Variants in OSBP2 observed in about 807,000 individuals in gnomAD.
OSBP2 encodes oxysterol binding protein 2.
A neutral mutation model predicts 96.0 loss-of-function variants in OSBP2; 66 were observed. That is an observed-to-expected ratio of 0.69 (90% CI 0.56 to 0.84). The LOEUF is 0.84. OSBP2 is among the 40% of genes least tolerant of loss of function. The pLI, the probability that OSBP2 is intolerant of heterozygous loss-of-function variation, is 0.00. For missense variants in OSBP2, 1,038 were observed against 1,222.7 expected (o/e 0.85, Z 2.25); for synonymous variants, 525 against 520.9 (o/e 1.01, Z -0.11).
upstream of OSBP2, chr22:30,693,889 TG>T: frequency 1.7e-6 from 1 of 592,228 alleles, no homozygotes; most frequent in Non-Finnish European, 2.9e-6. Flanking sequence ...CGCTTGAACC[TG>T]GGAAGCGGAG....
intron 12 of OSBP2, among the ~76,000 whole-genome samples, chr22:30,905,060 C>T (rs944251708): frequency 2.0e-5 from 3 of 151,390 alleles, no homozygotes; most frequent in Non-Finnish European, 4.4e-5. Context: ...TTGCTTGAAC[C>T]CAGGAGGCGG....
intron 12 of OSBP2, among the ~76,000 whole-genome samples, chr22:30,903,766 G>A (rs1040298237): frequency 6.6e-6 from 1 of 152,248 alleles, no homozygotes; most frequent in Non-Finnish European, 1.5e-5. Flanking sequence ...CCTGTTGCCT[G>A]TGTGTTTGTG....
In OSBP2 at chr22:30,772,160, T is replaced by C. The variant is rs187865242; in HGVS notation, c.853+30791T>C. 1.6e-4 allele frequency among the ~76,000 whole-genome samples: 24 copies of C among 152,292 alleles called. No homozygotes were observed. The East Asian group carries it at 4.6e-3, about 29-fold the overall frequency. On this transcript the variant is annotated intron_variant, in intron 2 of 13. Coordinates refer to ENST00000332585, the MANE Select transcript of OSBP2 (RefSeq NM_030758.4). ...TTCACTGTGGCCTCAGGCACTGCCC[T>C]CTGGAGAGCCTGGATGGATCCTGCA...
chr22:30,750,880 T>C (rs1230092195), intron 2 of OSBP2, among the ~76,000 whole-genome samples: 2 of 152,084 alleles, frequency 1.3e-5, no homozygotes, highest in Admixed American at 6.5e-5. Flanking sequence ...GAGTAGTTAT[T>C]ATAGGCATGT....
chr22:30,709,557 C>A (rs1463420942), intron 1 of OSBP2, among the ~76,000 whole-genome samples: 2 of 151,654 alleles, frequency 1.3e-5, no homozygotes, highest in African/African-American at 2.4e-5. Context: ...CACTCTGTCT[C>A]CAGGCTGGAG....
intron 2 of OSBP2, among the ~76,000 whole-genome samples, chr22:30,746,291 G>A (rs577593483): frequency 6.6e-6 from 1 of 152,060 alleles, no homozygotes; most frequent in South Asian, 2.1e-4. Context: ...AGGCATGATA[G>A]CACATGCCTG....
chr22:30,904,632 A>T (rs2040289056), intron 12 of OSBP2, among the ~76,000 whole-genome samples: 3 of 152,076 alleles, frequency 2.0e-5, no homozygotes, highest in African/African-American at 7.2e-5. Flanking sequence ...GGAAAGATGG[A>T]CTAACTACAA....
intron 2 of OSBP2, among the ~76,000 whole-genome samples, chr22:30,864,962 C>T (rs1005567425): frequency 1.3e-5 from 2 of 152,222 alleles, no homozygotes; most frequent in African/African-American, 2.4e-5. Flanking sequence ...ACCACCGGGT[C>T]ACCTTCCCCC....
chr22:30,787,999 G>A (rs181321396), intron 2 of OSBP2, among the ~76,000 whole-genome samples: 49 of 152,318 alleles, frequency 3.2e-4, no homozygotes, highest in Middle Eastern at 3.4e-3. Context: ...AGTAGGCAGA[G>A]CCAAGCTCCA....
At chr22:30,773,821 C>T (rs891401827) in intron 2 of OSBP2, among the ~76,000 whole-genome samples, 24 of 151,996 alleles carry the variant, frequency 1.6e-4, no homozygotes, top group African/African-American at 5.6e-4. Flanking sequence ...GTGTGGGAGG[C>T]CATGAGGGAC....
intron 2 of OSBP2, among the ~76,000 whole-genome samples, chr22:30,795,885 A>T (rs73154653): frequency 0.052 from 7,862 of 152,256 alleles, 255 homozygotes; most frequent in Middle Eastern, 0.078. Flanking sequence ...ATTTGTATAG[A>T]TTTCCAATTC....
At chr22:30,855,003 G>T (rs1464360929) in intron 2 of OSBP2, among the ~76,000 whole-genome samples, 1 of 152,174 alleles carries the variant, frequency 6.6e-6, no homozygotes. Flanking sequence ...CAGATCGCGT[G>T]GGAACTGTCA....
At chr22:30,821,399 G>A (rs1346898444) in intron 2 of OSBP2, among the ~76,000 whole-genome samples, 3 of 152,220 alleles carry the variant, frequency 2.0e-5, no homozygotes, top group African/African-American at 7.2e-5. Flanking sequence ...CAGGTGGTGA[G>A]AGTCAAGGGA....
chr22:30,763,370 G>T (rs564307624), intron 2 of OSBP2, among the ~76,000 whole-genome samples: 9 of 152,312 alleles, frequency 5.9e-5, no homozygotes, highest in African/African-American at 2.2e-4. Flanking sequence ...AGGTTGGCCG[G>T]GTGCAGTGGC....
At chr22:30,800,139 CT>C (rs2090828944) in intron 2 of OSBP2, among the ~76,000 whole-genome samples, 1 of 152,180 alleles carries the variant, frequency 6.6e-6, no homozygotes, top group African/African-American at 2.4e-5. Context: ...TATTTCCTGG[CT>C]GGGTTTGCTC....
chr22:30,899,774 AAGAT>A (rs1005412704), intron 12 of OSBP2, among the ~76,000 whole-genome samples: 8 of 152,202 alleles, frequency 5.3e-5, no homozygotes, highest in East Asian at 1.9e-4. Context: ...GTGTATAAAA[AAGAT>A]AGCATCCTAT....
intron 1 of OSBP2, among the ~76,000 whole-genome samples, chr22:30,734,211 G>A (rs1417331317): frequency 6.6e-6 from 1 of 152,158 alleles, no homozygotes; most frequent in Admixed American, 6.6e-5. Flanking sequence ...CTGGCCTCAA[G>A]TGATCTGCCT....
chr22:30,900,766 G>GTTTGACTTACATTATTGTTT (rs1216077933), intron 12 of OSBP2, among the ~76,000 whole-genome samples: 3 of 152,102 alleles, frequency 2.0e-5, no homozygotes, highest in Non-Finnish European at 2.9e-5. Flanking sequence ...ATCAAATAAT[G>GTTTGACTTACATTATTGTTT]GCCTTACAGT....
intron 3 of OSBP2, among the ~76,000 whole-genome samples, chr22:30,877,561 T>G (rs1171865150): frequency 1.3e-5 from 2 of 152,180 alleles, no homozygotes; most frequent in African/African-American, 4.8e-5. Flanking sequence ...GCTTGGAGTG[T>G]TAGCATCCAT....
Sources: allele counts gnomAD v4.1 joint callset (sites outside exome capture counted in the v4.1 genomes callset), GRCh38; gene constraint gnomAD v4.1.1; transcripts MANE v1.5; gene names NCBI Gene and HGNC (gene_info 2026-07-23, HGNC 2026-07-21).